Variants in WDR7 observed in about 807,000 individuals in gnomAD.
WDR7 encodes WD repeat-containing protein 7.
A neutral mutation model predicts 169.4 loss-of-function variants in WDR7; 46 were observed. That is an observed-to-expected ratio of 0.27 (90% CI 0.21 to 0.35). WDR7 has a LOEUF of 0.35. WDR7 is among the 10% of genes least tolerant of loss of function. WDR7 has a pLI of 1.00. For synonymous variants in WDR7, 612 were observed against 666.8 expected, an observed-to-expected ratio of 0.92 and a Z score of 1.27; for missense variants, 1,534 against 1,859.3, an observed-to-expected ratio of 0.83 and a Z score of 3.22.
intron 21 of WDR7, among the ~76,000 whole-genome samples, chr18:56,899,613 T>C (rs906645146): frequency 6.6e-6 from 1 of 152,084 alleles, no homozygotes; most frequent in Non-Finnish European, 1.5e-5. Flanking sequence ...TTAATTGGTA[T>C]TTTCCTTGAG....
chr18:56,938,807 G>GGGT (rs779003605), intron 24 of WDR7, 125 bp downstream of exon 24: 238 of 973,392 alleles, frequency 2.4e-4, no homozygotes, highest in Middle Eastern at 1.4e-3. Flanking sequence ...GAGAAAGAAT[G>GGGT]AGTGTGTGTG....
intron 26 of WDR7, among the ~76,000 whole-genome samples, chr18:56,999,049 G>T (rs372669395): frequency 6.6e-6 from 1 of 152,172 alleles, no homozygotes; most frequent in South Asian, 2.1e-4. Context: ...GGGATGTCCT[G>T]CAGGAAGAAG....
intron 19 of WDR7, among the ~76,000 whole-genome samples, chr18:56,786,421 C>T (rs1334434289): frequency 6.6e-6 from 1 of 151,696 alleles, no homozygotes; most frequent in Non-Finnish European, 1.5e-5. Flanking sequence ...CCCAGCTACT[C>T]GGGAGGCTTA....
chr18:57,028,755 A>T lies in WDR7; in HGVS notation c.*1548A>T, dbSNP rs1667140175. ...CATATTAAGAAATTAAGACCATTAG[A>T]TCATCTCTTTCATAATGATATGATG... On this transcript the variant is annotated 3_prime_UTR_variant, in exon 28 of 28. Coordinates refer to ENST00000254442, the MANE Select transcript of WDR7 (RefSeq NM_015285.3). The T allele has an allele frequency of 6.6e-6, 1 of 152,640 alleles. No homozygotes were observed. The highest frequency in any genetic ancestry group is 2.4e-5 in the African/African-American group (1 of 41,462). The allele number at this position is 152,640 out of a possible 1,614,324, so 9.5% of individuals were successfully genotyped here.
Position 56,717,945 on chromosome 18 carries a change from G to A in WDR7, c.1579-19G>A. ...CTAAATTTAATTTAAACACAATTAA[G>A]GTTTATTCTTCTTTTCAGGCAAGAG... is the stretch of plus-strand genomic sequence containing the variant. On this transcript the variant is annotated intron_variant, in intron 12 of 27. Transcript: ENST00000254442. 6.4e-7 allele frequency: 1 copy of A among 1,566,746 alleles called. No individual in the cohort carries two copies. The highest frequency in any genetic ancestry group is 8.6e-7 in the Non-Finnish European group (1 of 1,158,194).
chr18:56,778,966 CTT>C (rs951395677), intron 17 of WDR7, among the ~76,000 whole-genome samples: 4 of 152,168 alleles, frequency 2.6e-5, no homozygotes, highest in African/African-American at 9.7e-5. Context: ...GAGGACATCT[CTT>C]TTGGCTGACA....
chr18:56,890,783 TCAGCGTC>T (rs2046253680), intron 21 of WDR7: 1 of 152,206 alleles, frequency 6.6e-6, no homozygotes, highest in Non-Finnish European at 1.5e-5. Context: ...GTGCACTAAC[TCAGCGTC>T]CCATGTTCCT....
chr18:56,741,405 T>A (rs1029791502), intron 14 of WDR7, among the ~76,000 whole-genome samples: 3 of 152,194 alleles, frequency 2.0e-5, no homozygotes, highest in African/African-American at 7.2e-5. Flanking sequence ...CTGCCACTCT[T>A]CTAGTTTATG....
intron 20 of WDR7, among the ~76,000 whole-genome samples, chr18:56,850,364 C>T (rs1225625668): frequency 6.6e-6 from 1 of 152,142 alleles, no homozygotes; most frequent in Non-Finnish European, 1.5e-5. Flanking sequence ...ATAGCAGCAC[C>T]TGAAAACTGG....
intron 20 of WDR7, among the ~76,000 whole-genome samples, chr18:56,827,917 A>G (rs2045237610): frequency 6.6e-6 from 1 of 152,214 alleles, no homozygotes; most frequent in African/African-American, 2.4e-5. Flanking sequence ...GAGATGATGC[A>G]TGGAATGTTT....
At chr18:56,932,878 T>TGG (rs2145678801) in intron 22 of WDR7, among the ~76,000 whole-genome samples, 1 of 107,678 alleles carries the variant, frequency 9.3e-6, no homozygotes, top group South Asian at 2.2e-4. Flanking sequence ...ATTCTGGGTG[T>TGG]GTGTGTGTGT....
At chr18:56,836,566 T>C (rs1400158370) in intron 20 of WDR7, among the ~76,000 whole-genome samples, 1 of 152,240 alleles carries the variant, frequency 6.6e-6, no homozygotes, top group Non-Finnish European at 1.5e-5. Context: ...ACATGCGTGC[T>C]TTTTTGAAAT....
At chr18:56,900,528 A>C (rs2083020) in intron 21 of WDR7, among the ~76,000 whole-genome samples, 4 of 152,012 alleles carry the variant, frequency 2.6e-5, no homozygotes, top group Non-Finnish European at 1.5e-5. Context: ...CAGAGATACT[A>C]TGTGCAAAAT....
chr18:56,685,933 T>A, intron 5 of WDR7, 23 bp from the exon 6 acceptor site: 1 of 1,589,982 alleles, frequency 6.3e-7, no homozygotes, highest in Non-Finnish European at 8.5e-7. Context: ...CCTGGGCTGC[T>A]TTTTTGTCCC....
intron 20 of WDR7, 113 bp from the exon 21 acceptor site, chr18:56,879,831 A>G: frequency 3.8e-6 from 3 of 796,830 alleles, no homozygotes; most frequent in South Asian, 1.8e-5. Flanking sequence ...TCCTAGTGCC[A>G]TTTGCTGAAA....
chr18:56,850,530 G>T (rs764840805), intron 20 of WDR7, among the ~76,000 whole-genome samples: 17 of 152,100 alleles, frequency 1.1e-4, no homozygotes, highest in Non-Finnish European at 2.2e-4. Context: ...TATTTATAGA[G>T]ATAGAATCTC....
At chr18:56,911,144 A>G (rs2046546773) in intron 21 of WDR7, among the ~76,000 whole-genome samples, 1 of 152,174 alleles carries the variant, frequency 6.6e-6, no homozygotes, top group Non-Finnish European at 1.5e-5. Context: ...GTTCCCATTA[A>G]CACAGCCACC....
chr18:56,781,765 C>T lies in WDR7; in HGVS notation c.3190+109C>T, dbSNP rs1280243221. ...CCATCAACAAAAATGAGTCACTGAC[C>T]TTAAAGTGAAAAGAACAGATCCTCA... On this transcript the variant is annotated intron_variant, in intron 19 of 27. Coordinates refer to ENST00000254442, the MANE Select transcript of WDR7 (RefSeq NM_015285.3). The T allele has an allele frequency of 1.9e-5, 22 of 1,163,158 alleles. 1 individual carries two copies. Among genetic ancestry groups the T allele is most frequent in the Non-Finnish European group, 2.5e-5 (22 of 893,486 alleles). 72.1% of individuals were successfully genotyped at this position (1,163,158 alleles called of 1,614,324 possible). A position where few individuals can be genotyped will look rare whatever the true frequency, so the allele number is the denominator to read the frequency against.
At chr18:56,761,715 CAT>C (rs1266507902) in intron 16 of WDR7, among the ~76,000 whole-genome samples, 3 of 151,640 alleles carry the variant, frequency 2.0e-5, no homozygotes, top group East Asian at 1.9e-4. Context: ...AGATATATAA[CAT>C]ATATATCTAA....
Sources: gnomAD v4.1 joint callset for allele counts (sites outside exome capture counted in the v4.1 genomes callset) on GRCh38, gnomAD v4.1.1 for gene constraint, MANE v1.5 for transcripts, NCBI Gene and HGNC (gene_info 2026-07-23, HGNC 2026-07-21) for gene names.